The following RAB6A variants were observed in gnomAD, a reference collection of about 807,000 sequenced individuals.
The protein encoded by RAB6A is ras-related protein Rab-6A.
Under a neutral mutation model 32.3 loss-of-function variants are expected in RAB6A, and 8 were observed. The observed-to-expected ratio is 0.25, with a 90% CI of 0.15 to 0.45. RAB6A has a LOEUF of 0.45. RAB6A is among the 20% of genes least tolerant of loss of function. The pLI is 1.00. For missense variants in RAB6A, 104 were observed against 249.4 expected (o/e 0.42, Z 3.93); for synonymous variants, 73 against 82.1 (o/e 0.89, Z 0.60).
intron 6 of RAB6A, among the ~76,000 whole-genome samples, chr11:73,702,164 G>GGT (rs1428961020): frequency 6.6e-6 from 1 of 152,032 alleles, no homozygotes; most frequent in Non-Finnish European, 1.5e-5. Context: ...GGATATATAA[G>GGT]GTGTTTTTTT....
At chr11:73,691,349 T>C (rs1945559598) in intron 6 of RAB6A, among the ~76,000 whole-genome samples, 1 of 152,142 alleles carries the variant, frequency 6.6e-6, no homozygotes, top group South Asian at 2.1e-4. Flanking sequence ...TAATTCTTTA[T>C]TTTTTGTAGG....
rs948939790 is a variant in RAB6A, at chr11:73,719,027, T to C, written c.184-309A>G. ...GACTCATGCAAGAGGTTGCAGGGAG[T>C]GAGGAATGAAAATAACACAAAACTC... On this transcript the variant is annotated intron_variant, in intron 3 of 7. Coordinates refer to ENST00000336083, the MANE Select transcript of RAB6A (RefSeq NM_198896.2). 2.8e-5 allele frequency: 20 copies of C among 723,696 alleles called. No individual in the cohort carries two copies. The African/African-American group carries it at 3.6e-4, about 13-fold the overall frequency. The allele number at this position is 723,696 out of a possible 1,614,324, so 44.8% of individuals were successfully genotyped here.
At chr11:73,733,983 T>C (rs147031997) in intron 1 of RAB6A, among the ~76,000 whole-genome samples, 4 of 152,338 alleles carry the variant, frequency 2.6e-5, no homozygotes, top group East Asian at 1.9e-4. Context: ...CACTTTACTA[T>C]ATATGTATCA....
intron 1 of RAB6A, among the ~76,000 whole-genome samples, chr11:73,744,225 C>T (rs1480900572): frequency 6.6e-6 from 1 of 151,218 alleles, no homozygotes; most frequent in Non-Finnish European, 1.5e-5. Context: ...GTAGTCCCAG[C>T]TACTCGGGAG....
At chr11:73,743,279 T>C (rs1946529037) in intron 1 of RAB6A, among the ~76,000 whole-genome samples, 1 of 142,078 alleles carries the variant, frequency 7.0e-6, no homozygotes, top group Non-Finnish European at 1.5e-5. Context: ...CACTCCAGCC[T>C]GATCAACAGA....
chr11:73,727,874 T>A (rs1372786814), intron 2 of RAB6A, among the ~76,000 whole-genome samples: 1 of 152,132 alleles, frequency 6.6e-6, no homozygotes, highest in Non-Finnish European at 1.5e-5. Context: ...GAAATCAAGT[T>A]TTTTTCTTTA....
rs543938828 is a variant in RAB6A, at chr11:73,757,349, G to C, written c.70+3217C>G. 3.4e-5 allele frequency among the ~76,000 whole-genome samples: 5 copies of C among 148,998 alleles called. No homozygotes were observed. In the South Asian group the frequency reaches 1.1e-3, roughly 32 times the overall value. Reference sequence around the variant, plus strand: ...TTTTGTAGAGACCGGGCCATGGGGTGGGGGGGAGCCGGGGACTCCACCATG... The same window carrying C: ...TTTTGTAGAGACCGGGCCATGGGGTCGGGGGGAGCCGGGGACTCCACCATG... On this transcript the variant is annotated intron_variant, in intron 1 of 7. Transcript: ENST00000336083.
At chr11:73,735,058 G>C (rs746088544) in intron 1 of RAB6A, among the ~76,000 whole-genome samples, 68 of 152,276 alleles carry the variant, frequency 4.5e-4, no homozygotes, top group Non-Finnish European at 7.4e-4. Flanking sequence ...CATTCACTAT[G>C]CTGCCTCAAT....
chr11:73,690,144 C>G (rs142380737), intron 6 of RAB6A, among the ~76,000 whole-genome samples: 3 of 152,242 alleles, frequency 2.0e-5, no homozygotes, highest in Admixed American at 2.0e-4. Context: ...ATTAACTACC[C>G]CATTATTACA....
At position 73,695,634 on chromosome 11, in the gene RAB6A, C is replaced by T. The variant is rs111257308; in HGVS notation, c.495+11786G>A. On this transcript the variant is annotated intron_variant, in intron 6 of 7. Coordinates refer to ENST00000336083, the MANE Select transcript of RAB6A (RefSeq NM_198896.2). ...TGACCTGATAATCTGCCCACCTTGG[C>T]CTCCCAAAGTACTGGGATTACAGGC... Among the ~76,000 whole-genome samples, 814 of 152,300 alleles carry T rather than the reference C, an allele frequency of 5.3e-3. 9 individuals are homozygous for T. The highest frequency in any genetic ancestry group is 0.018 in the African/African-American group (767 of 41,572).
chr11:73,721,962 A>T (rs1186636797), intron 2 of RAB6A, among the ~76,000 whole-genome samples: 2 of 151,950 alleles, frequency 1.3e-5, no homozygotes, highest in Admixed American at 6.6e-5. Flanking sequence ...ACGAGATCTG[A>T]TGGTTTTATA....
intron 4 of RAB6A, among the ~76,000 whole-genome samples, chr11:73,716,839 C>G (rs1376507005): frequency 6.6e-6 from 1 of 152,198 alleles, no homozygotes; most frequent in Non-Finnish European, 1.5e-5. Flanking sequence ...TGCACTGCTT[C>G]CTCAGTTTGT....
At chr11:73,731,729 T>TATATAC (rs1946314630) in intron 1 of RAB6A, among the ~76,000 whole-genome samples, 1 of 7,550 alleles carries the variant, frequency 1.3e-4, no homozygotes, top group Admixed American at 1.9e-3. Context: ...TATATATATA[T>TATATAC]ATACACACAC....
intron 5 of RAB6A, among the ~76,000 whole-genome samples, chr11:73,710,138 T>C (rs972244270): frequency 2.0e-5 from 3 of 148,604 alleles, no homozygotes; most frequent in Non-Finnish European, 4.5e-5. Flanking sequence ...TTTTGTGTTT[T>C]TTTTTTTTTA....
chr11:73,705,493 A>G (rs768402812), intron 6 of RAB6A, among the ~76,000 whole-genome samples: 1 of 152,170 alleles, frequency 6.6e-6, no homozygotes, highest in Non-Finnish European at 1.5e-5. Flanking sequence ...GGTTGCAGTG[A>G]GCCGAGATTG....
chr11:73,737,855 G>A (rs1438876657), intron 1 of RAB6A, among the ~76,000 whole-genome samples: 1 of 151,806 alleles, frequency 6.6e-6, no homozygotes, highest in African/African-American at 2.4e-5. Context: ...AAATTAGCTG[G>A]GCGTGGTGGT....
chr11:73,747,762 T>C (rs778945286), intron 1 of RAB6A, among the ~76,000 whole-genome samples: 1 of 152,150 alleles, frequency 6.6e-6, no homozygotes, highest in Non-Finnish European at 1.5e-5. Flanking sequence ...AAATAATACT[T>C]GTCAGTTGTT....
chr11:73,756,513 T>C (rs890417917), intron 1 of RAB6A, among the ~76,000 whole-genome samples: 3 of 152,220 alleles, frequency 2.0e-5, no homozygotes, highest in East Asian at 1.9e-4. Flanking sequence ...TCTCTGCCAT[T>C]ACATCTCCTA....
rs73539611 is a variant in RAB6A, at chr11:73,755,227, G to A, written c.70+5339C>T. ...ATTACAAGCATGAGCCACCACGCTC[G>A]GCCCTATTATTTTTTAACATATTAA... is the stretch of plus-strand genomic sequence containing the variant. On this transcript the variant is annotated intron_variant, in intron 1 of 7. Transcript: ENST00000336083. Among the ~76,000 whole-genome samples the A allele has an allele frequency of 3.8e-3, 582 of 151,974 alleles. 4 individuals are homozygous for A. Among genetic ancestry groups the A allele is most frequent in the African/African-American group, 0.013 (544 of 41,434 alleles).
Sources: allele counts gnomAD v4.1 joint callset (sites outside exome capture counted in the v4.1 genomes callset), GRCh38; gene constraint gnomAD v4.1.1; transcripts MANE v1.5; gene names NCBI Gene and HGNC (gene_info 2026-07-23, HGNC 2026-07-21).